Variants in FMN2 observed in about 807,000 individuals in gnomAD.
FMN2 encodes the protein formin 2, also known as formin-2.
Under a neutral mutation model 142.3 loss-of-function variants are expected in FMN2, and 51 were observed. That is an observed-to-expected ratio of 0.36 (90% CI 0.29 to 0.45). FMN2 has a LOEUF of 0.45. FMN2 is among the 20% of genes least tolerant of loss of function. The pLI, the probability that FMN2 is intolerant of heterozygous loss-of-function variation, is 1.00. For synonymous variants in FMN2, 882 were observed against 869.8 expected (o/e 1.01, Z -0.25); for missense variants, 1,936 against 2,122.8 (o/e 0.91, Z 1.73).
At chr1:240,259,699 T>C (rs1392390347) in intron 7 of FMN2, among the ~76,000 whole-genome samples, 1 of 152,132 alleles carries the variant, frequency 6.6e-6, no homozygotes, top group Non-Finnish European at 1.5e-5. Flanking sequence ...ATCATTGATT[T>C]TGGATATAGA....
intron 2 of FMN2, among the ~76,000 whole-genome samples, chr1:240,159,778 T>G (rs1307759030): frequency 6.6e-6 from 1 of 151,630 alleles, no homozygotes; most frequent in African/African-American, 2.4e-5. Context: ...GTTTGAAAGT[T>G]TATTTTAAAA....
chr1:240,155,389 C>G (rs991595619), intron 2 of FMN2, among the ~76,000 whole-genome samples: 2 of 152,128 alleles, frequency 1.3e-5, no homozygotes, highest in African/African-American at 4.8e-5. Context: ...AGTGATTCTC[C>G]CACTTCCACC....
At chr1:240,167,149 AAAACC>A (rs1380033729) in intron 2 of FMN2, among the ~76,000 whole-genome samples, 1 of 152,192 alleles carries the variant, frequency 6.6e-6, no homozygotes, top group Non-Finnish European at 1.5e-5. Context: ...AAAAACAAAA[AAAACC>A]AAAAGGGATA....
intron 15 of FMN2, among the ~76,000 whole-genome samples, chr1:240,392,873 C>CA (rs1033084764): frequency 9.3e-5 from 14 of 150,898 alleles, no homozygotes; most frequent in South Asian, 2.1e-4. Flanking sequence ...TTTGGGTTAT[C>CA]AAAAAAAAAC....
intron 16 of FMN2, chr1:240,458,747 T>A (rs2103224285): frequency 6.6e-6 from 1 of 152,354 alleles, no homozygotes; most frequent in Middle Eastern, 3.4e-3. Context: ...GGCTGTCAGA[T>A]GCAATTTTAT....
At chr1:240,279,552 G>T (rs552157128) in intron 7 of FMN2, among the ~76,000 whole-genome samples, 2 of 152,256 alleles carry the variant, frequency 1.3e-5, no homozygotes, top group East Asian at 3.9e-4. Context: ...CACTTTCCAG[G>T]CACCAGTCAC....
chr1:240,309,138 G>A (rs1670512211), intron 8 of FMN2, among the ~76,000 whole-genome samples: 1 of 152,188 alleles, frequency 6.6e-6, no homozygotes, highest in African/African-American at 2.4e-5. Context: ...TGATGGAAGA[G>A]TACAAGAATA....
chr1:240,342,970 G>T (rs567064724), intron 13 of FMN2, among the ~76,000 whole-genome samples: 1 of 148,170 alleles, frequency 6.7e-6, no homozygotes, highest in East Asian at 2.0e-4. Context: ...CTCCCAAGAG[G>T]AAAAAAAAAA....
chr1:240,411,839 A>G (rs1347608007), intron 15 of FMN2, among the ~76,000 whole-genome samples: 1 of 152,184 alleles, frequency 6.6e-6, no homozygotes, highest in Non-Finnish European at 1.5e-5. Context: ...TAAAATTGAA[A>G]TGAGGATAAA....
At chr1:240,110,444 A>G (rs113137237) in intron 1 of FMN2, among the ~76,000 whole-genome samples, 12 of 152,354 alleles carry the variant, frequency 7.9e-5, no homozygotes, top group African/African-American at 2.6e-4. Flanking sequence ...CAATGGTCAC[A>G]GGCCCAATAA....
chr1:240,282,733 C>T (rs1232673590), intron 7 of FMN2, among the ~76,000 whole-genome samples: 1 of 152,158 alleles, frequency 6.6e-6, no homozygotes, highest in African/African-American at 2.4e-5. Context: ...GTAGTATTTC[C>T]TTTCATCTTA....
chr1:240,295,884 T>C (rs1471889914), intron 8 of FMN2, among the ~76,000 whole-genome samples: 2 of 152,222 alleles, frequency 1.3e-5, no homozygotes, highest in East Asian at 1.9e-4. Flanking sequence ...CCATCGACAG[T>C]GTGCCAGGGT....
chr1:240,380,280 G>A (rs1673181866), intron 14 of FMN2, among the ~76,000 whole-genome samples: 1 of 152,092 alleles, frequency 6.6e-6, no homozygotes. Context: ...AATATTAAGT[G>A]TCTTCTCAGA....
intron 15 of FMN2, among the ~76,000 whole-genome samples, chr1:240,418,021 G>A (rs994438173): frequency 2.6e-5 from 4 of 151,518 alleles, no homozygotes; most frequent in Non-Finnish European, 4.4e-5. Flanking sequence ...GCTTCATCAC[G>A]CTTTCTTTTC....
intron 1 of FMN2, among the ~76,000 whole-genome samples, chr1:240,122,095 A>G (rs1033973676): frequency 7.7e-5 from 10 of 129,930 alleles, no homozygotes; most frequent in African/African-American, 3.0e-4. Flanking sequence ...TTTATTTATG[A>G]ATTATTTTTT....
At chr1:240,227,956 T>C (rs1031361682) in intron 6 of FMN2, among the ~76,000 whole-genome samples, 1 of 152,002 alleles carries the variant, frequency 6.6e-6, no homozygotes, top group Non-Finnish European at 1.5e-5. Flanking sequence ...ATCCTGAATA[T>C]CTAAATAACT....
chr1:240,349,158 G>A (rs1478865648), intron 13 of FMN2, among the ~76,000 whole-genome samples: 1 of 152,178 alleles, frequency 6.6e-6, no homozygotes, highest in Non-Finnish European at 1.5e-5. Flanking sequence ...AGAGCCCAAT[G>A]TCTGTGCACT....
At position 240,474,246 on chromosome 1, in the gene FMN2, C is replaced by T; in HGVS notation, c.*92C>T. On this transcript the variant is annotated 3_prime_UTR_variant, in exon 18 of 18. Transcript: ENST00000319653. ...TGGGAGGGAAACTACCGTCATTCTG[C>T]TCATGTTTCTTCTTGACCTCTTGCA... 8.5e-7 allele frequency: 1 copy of T among 1,174,676 alleles called. No individual in the cohort carries two copies. The allele number at this position is 1,174,676 out of a possible 1,614,324, so 72.8% of individuals were successfully genotyped here.
At chr1:240,139,835 G>A (rs949614973) in intron 2 of FMN2, among the ~76,000 whole-genome samples, 9 of 152,130 alleles carry the variant, frequency 5.9e-5, no homozygotes, top group African/African-American at 1.4e-4. Context: ...TAGATGTATC[G>A]GAAGGTTAGT....
Sources: allele counts gnomAD v4.1 joint callset (sites outside exome capture counted in the v4.1 genomes callset), GRCh38; gene constraint gnomAD v4.1.1; transcripts MANE v1.5; gene names NCBI Gene and HGNC (gene_info 2026-07-23, HGNC 2026-07-21).